Variants in BCR observed in about 807,000 individuals in gnomAD.
BCR encodes BCR activator of RhoGEF and GTPase.
In BCR, 58 loss-of-function variants were observed where a neutral mutation model predicts 138.6. The ratio of observed to expected loss-of-function variants is 0.42; its 90% CI spans 0.34 to 0.52. The LOEUF (loss-of-function observed/expected upper bound fraction) is 0.52, where lower values mean the gene tolerates loss of function less well. Ranked by LOEUF, BCR falls within the 20% of genes least tolerant of loss-of-function variation. The pLI is 0.06. For synonymous variants in BCR, 786 were observed against 730.1 expected, an observed-to-expected ratio of 1.08 and a Z score of -1.23; for missense variants, 1,599 against 1,727.2, an observed-to-expected ratio of 0.93 and a Z score of 1.32.
chr22:23,290,455 A>C, intron 14 of BCR, 42 bp downstream of exon 14: 1 of 1,584,328 alleles, frequency 6.3e-7, no homozygotes, highest in Non-Finnish European at 8.7e-7. Flanking sequence ...CGGCCGAGCC[A>C]GGGTCTCCAC....
Position 23,315,689 on chromosome 22 carries a change from A to G in BCR, c.*167A>G. On this transcript the variant is annotated 3_prime_UTR_variant, in exon 23 of 23. Coordinates refer to ENST00000305877, the MANE Select transcript of BCR (RefSeq NM_004327.4). ...AAGCCGAAGGACAGGTGGCCTGGAAAGATCCCGCCCAGGTCTGGGAGCCCC... is the reference window on the plus strand; with the variant it reads ...AAGCCGAAGGACAGGTGGCCTGGAAGGATCCCGCCCAGGTCTGGGAGCCCC... The G allele has an allele frequency of 2.7e-6, 2 of 730,698 alleles. No homozygotes were observed. The highest frequency in any genetic ancestry group is 3.0e-5 in the South Asian group (2 of 67,292). 45.3% of individuals were successfully genotyped at this position (730,698 alleles called of 1,614,324 possible). A position where few individuals can be genotyped will look rare whatever the true frequency, so the allele number is the denominator to read the frequency against.
At chr22:23,297,106 T>C (rs1468682728) in intron 16 of BCR, among the ~76,000 whole-genome samples, 1 of 152,140 alleles carries the variant, frequency 6.6e-6, no homozygotes, top group East Asian at 1.9e-4. Context: ...GGCAGGATCA[T>C]AGCTCACTGC....
intron 1 of BCR, among the ~76,000 whole-genome samples, chr22:23,227,566 AT>A (rs2072909038): frequency 6.6e-6 from 1 of 152,216 alleles, no homozygotes; most frequent in Non-Finnish European, 1.5e-5. Context: ...AAGGAGAAAC[AT>A]TTGTAAGTCT....
intron 16 of BCR, among the ~76,000 whole-genome samples, chr22:23,296,754 C>T (rs925396941): frequency 1.3e-5 from 2 of 152,216 alleles, no homozygotes; most frequent in African/African-American, 4.8e-5. Context: ...CCAGCCTGGG[C>T]AACATAGACC....
intron 2 of BCR, among the ~76,000 whole-genome samples, chr22:23,257,729 C>T (rs550689977): frequency 1.1e-3 from 162 of 152,296 alleles, no homozygotes; most frequent in African/African-American, 3.8e-3. Context: ...TGTATGTGCA[C>T]CATGGGCAGC....
intron 2 of BCR, among the ~76,000 whole-genome samples, chr22:23,257,158 A>G (rs914858706): frequency 2.0e-5 from 3 of 152,110 alleles, no homozygotes; most frequent in Non-Finnish European, 4.4e-5. Context: ...TTTCTGAGCC[A>G]TCCCTGTCTG....
intron 1 of BCR, among the ~76,000 whole-genome samples, chr22:23,222,260 T>G (rs1432492805): frequency 6.6e-6 from 1 of 152,202 alleles, no homozygotes; most frequent in Non-Finnish European, 1.5e-5. Context: ...CAGTTAATGC[T>G]TGCAGAGTGA....
intron 10 of BCR, among the ~76,000 whole-genome samples, chr22:23,286,674 G>A (rs2073718191): frequency 6.6e-6 from 1 of 152,130 alleles, no homozygotes. Flanking sequence ...GAAACCCATG[G>A]CTCAGCATAG....
chr22:23,311,346 G>A (rs537977874), intron 18 of BCR, among the ~76,000 whole-genome samples: 1 of 150,528 alleles, frequency 6.6e-6, no homozygotes, highest in South Asian at 2.1e-4. Context: ...ACCAACACCG[G>A]GTCTGACCTC....
At chr22:23,212,320 T>C (rs1245179623) in intron 1 of BCR, among the ~76,000 whole-genome samples, 1 of 152,166 alleles carries the variant, frequency 6.6e-6, no homozygotes, top group African/African-American at 2.4e-5. Context: ...GGATGGGCTG[T>C]GGTCAAAGTG....
chr22:23,195,021 A>G (rs1290858164), intron 1 of BCR, among the ~76,000 whole-genome samples: 2 of 152,172 alleles, frequency 1.3e-5, no homozygotes, highest in Non-Finnish European at 2.9e-5. Flanking sequence ...TCATGCCTGT[A>G]ATCCCAACAC....
At chr22:23,265,276 C>G (rs963425918) in intron 4 of BCR, among the ~76,000 whole-genome samples, 11 of 152,214 alleles carry the variant, frequency 7.2e-5, no homozygotes, top group African/African-American at 2.7e-4. Context: ...GAAGTTGTTC[C>G]CCATAACGAC....
intron 2 of BCR, among the ~76,000 whole-genome samples, chr22:23,256,777 C>T (rs778079406): frequency 2.0e-5 from 3 of 152,138 alleles, no homozygotes; most frequent in South Asian, 2.1e-4. Context: ...TCAGTTCACC[C>T]GTGGGCCTGG....
chr22:23,299,406 G>T (rs1188726920), intron 16 of BCR, among the ~76,000 whole-genome samples: 1 of 152,148 alleles, frequency 6.6e-6, no homozygotes, highest in African/African-American at 2.4e-5. Flanking sequence ...CGGGTGAATG[G>T]CTGTGTGGAC....
chr22:23,246,682 A>G lies in BCR; in HGVS notation c.1280-7117A>G, dbSNP rs1305553301. ...AATAGCAATCTAAAAGTTCATGCCCACTCAGGTGCGTATTCCAAGAGATGA... is the reference window on the plus strand; with the variant it reads ...AATAGCAATCTAAAAGTTCATGCCCGCTCAGGTGCGTATTCCAAGAGATGA... On this transcript the variant is annotated intron_variant, in intron 1 of 22. Transcript: ENST00000305877. 2.0e-5 allele frequency among the ~76,000 whole-genome samples: 3 copies of G among 152,104 alleles called. No homozygotes were observed. In the South Asian group the frequency reaches 6.2e-4, roughly 32 times the overall value.
chr22:23,233,387 T>G (rs2072980289), intron 1 of BCR, among the ~76,000 whole-genome samples: 2 of 152,138 alleles, frequency 1.3e-5, no homozygotes, highest in South Asian at 4.1e-4. Flanking sequence ...CACCACTGCT[T>G]CCCCACACCG....
chr22:23,250,664 G>A (rs1026052818), intron 1 of BCR, among the ~76,000 whole-genome samples: 1 of 152,140 alleles, frequency 6.6e-6, no homozygotes, highest in Non-Finnish European at 1.5e-5. Flanking sequence ...GGGATGGCAC[G>A]GCCTTCATCT....
intron 4 of BCR, chr22:23,263,819 G>A (rs773604640): frequency 7.5e-6 from 9 of 1,206,452 alleles, no homozygotes; most frequent in Admixed American, 1.7e-5. Flanking sequence ...CCTCAGGCCA[G>A]CTGGGGTAGT....
chr22:23,208,969 A>G (rs191403119), intron 1 of BCR, among the ~76,000 whole-genome samples: 8 of 152,316 alleles, frequency 5.3e-5, no homozygotes, highest in South Asian at 2.1e-4. Context: ...GGTACTTCAT[A>G]TGAGTGGATT....
Sources: gnomAD v4.1 joint callset for allele counts (sites outside exome capture counted in the v4.1 genomes callset) on GRCh38, gnomAD v4.1.1 for gene constraint, MANE v1.5 for transcripts, NCBI Gene and HGNC (gene_info 2026-07-23, HGNC 2026-07-21) for gene names.